The following GGT1 variants were observed in gnomAD, a reference collection of about 807,000 sequenced individuals.
GGT1 encodes gamma-glutamyltransferase 1.
In GGT1, 21 loss-of-function variants were observed where a neutral mutation model predicts 56.0. That is an observed-to-expected ratio of 0.38 (90% CI 0.27 to 0.54). GGT1 has a LOEUF of 0.54. Ranked by LOEUF, GGT1 falls within the 20% of genes least tolerant of loss-of-function variation. GGT1 has a pLI of 0.82. For missense variants in GGT1, 466 were observed against 787.0 expected (o/e 0.59, Z 4.88); for synonymous variants, 238 against 342.6 (o/e 0.69, Z 3.37).
chr22:24,584,617 G>A, the GGT1 span, among the ~76,000 whole-genome samples: 4 of 152,162 alleles, frequency 2.6e-5, no homozygotes, highest in Non-Finnish European at 5.9e-5. Context: ...GTGAGGGAAA[G>A]TCAGAGCTGG....
chr22:24,584,455 C>G, the GGT1 span, among the ~76,000 whole-genome samples: 1 of 152,066 alleles, frequency 6.6e-6, no homozygotes, highest in Non-Finnish European at 1.5e-5. Context: ...CCATCCCAGT[C>G]CTGGGACCCA....
At chr22:24,626,509 T>C (rs1228335413) in intron 11 of GGT1, among the ~76,000 whole-genome samples, 1 of 150,328 alleles carries the variant, frequency 6.7e-6, no homozygotes, top group Non-Finnish European at 1.5e-5. Context: ...TATTTATTTT[T>C]TTTAATACGT....
intron 7 of GGT1, among the ~76,000 whole-genome samples, chr22:24,616,554 C>CTTT (rs113675142): frequency 1.5e-5 from 2 of 131,994 alleles, no homozygotes; most frequent in African/African-American, 5.7e-5. Flanking sequence ...TTTTTTTTTT[C>CTTT]TTTTTTTTTT....
chr22:24,588,534 G>A, the GGT1 span: 4 of 751,096 alleles, frequency 5.3e-6, no homozygotes, highest in East Asian at 1.2e-4. Context: ...CCCTCTGGGA[G>A]CTGGACAGGC....
chr22:24,622,849 T>C (rs1323959268), intron 9 of GGT1, among the ~76,000 whole-genome samples: 1 of 152,182 alleles, frequency 6.6e-6, no homozygotes, highest in Non-Finnish European at 1.5e-5. Context: ...GCCCGGCTGT[T>C]GGGTGGTGAG....
the GGT1 span, chr22:24,586,432 G>C: frequency 1.9e-6 from 3 of 1,593,898 alleles, no homozygotes; most frequent in South Asian, 1.1e-5. Context: ...GTGGCAGGTG[G>C]GGATGGACTA....
chr22:24,592,809 A>G (rs896365116), upstream of GGT1: 114 of 1,235,606 alleles, frequency 9.2e-5, no homozygotes, highest in Non-Finnish European at 1.1e-4. Context: ...AGACCCCCAG[A>G]CCCCCAGACC....
intron 10 of GGT1, 122 bp downstream of exon 10, chr22:24,623,378 G>A (rs1367033546): frequency 8.1e-6 from 10 of 1,237,468 alleles, no homozygotes; most frequent in East Asian, 2.5e-5. Flanking sequence ...CTGAGCTCCC[G>A]AGGTGTGTCC....
intron 1 of GGT1, among the ~76,000 whole-genome samples, chr22:24,604,723 G>C (rs2045925330): frequency 6.6e-6 from 1 of 151,840 alleles, no homozygotes; most frequent in Non-Finnish European, 1.5e-5. Context: ...CTGCATTCAG[G>C]GGGTAGAGGG....
At chr22:24,616,354 C>T (rs895832203) in intron 7 of GGT1, among the ~76,000 whole-genome samples, 8 of 150,326 alleles carry the variant, frequency 5.3e-5, no homozygotes, top group Non-Finnish European at 1.0e-4. Context: ...GAGGAGATTG[C>T]AGTGAGCCGA....
chr22:24,621,087 A>G lies in GGT1; in HGVS notation c.733+17A>G. The G allele has an allele frequency of 1.3e-6, 2 of 1,560,300 alleles. No homozygotes were observed. Among genetic ancestry groups the G allele is most frequent in the Non-Finnish European group, 1.7e-6 (2 of 1,152,012 alleles). Reference sequence around the variant, plus strand: ...AGGCGGCCGGTGAGTGGGTAACCTCAGGGGCCTGGGTGAGGAACTCTGCAG... The same window carrying G: ...AGGCGGCCGGTGAGTGGGTAACCTCGGGGGCCTGGGTGAGGAACTCTGCAG... On this transcript the variant is annotated intron_variant, in intron 9 of 15. Transcript: ENST00000400382.
intron 5 of GGT1, among the ~76,000 whole-genome samples, chr22:24,614,348 C>CCAA (rs2046904004): frequency 9.3e-5 from 1 of 10,718 alleles, no homozygotes; most frequent in Non-Finnish European, 2.4e-4. Context: ...GACTTTGTCT[C>CCAA]AAAAAAAAAA....
At chr22:24,611,514 C>CCTATCTATCTAT (rs201643332) in intron 5 of GGT1, among the ~76,000 whole-genome samples, 26 of 136,772 alleles carry the variant, frequency 1.9e-4, no homozygotes, top group South Asian at 7.0e-4. Flanking sequence ...CTTATTTCTT[C>CCTATCTATCTAT]CTATCTATCT....
rs1286788943 is a variant in GGT1 at position 24,605,023 on chromosome 22, C to CAT, written c.-429+1508_-429+1509dup. 4.6e-5 allele frequency among the ~76,000 whole-genome samples: 3 copies of CAT among 65,002 alleles called. 1 individual carries two copies. Among genetic ancestry groups the CAT allele is most frequent in the Non-Finnish European group, 7.2e-5 (3 of 41,384 alleles). The allele number at this position is 65,002 out of a possible 152,430, so 42.6% of individuals were successfully genotyped here. ...ACCTGCTGCTGTGAATCCTGTATGT[C>CAT]ATATATATATATAAAATATGTAATA... On this transcript the variant is annotated intron_variant, in intron 1 of 15. Coordinates refer to ENST00000400382, the MANE Select transcript of GGT1 (RefSeq NM_001288833.2).
chr22:24,585,985 C>T, the GGT1 span: 1 of 1,610,640 alleles, frequency 6.2e-7, no homozygotes, highest in Middle Eastern at 1.7e-4. Context: ...TGCCCTCAGG[C>T]TCAAGGTCCA....
chr22:24,592,009 C>T (rs78105003), upstream of GGT1, among the ~76,000 whole-genome samples: 685 of 152,354 alleles, frequency 4.5e-3, 6 homozygotes, highest in African/African-American at 0.016. Flanking sequence ...GACCACTTCG[C>T]TCCATGCCTC....
chr22:24,624,115 G>A (rs2147496551), intron 11 of GGT1, 199 bp downstream of exon 11: 2 of 985,446 alleles, frequency 2.0e-6, no homozygotes, highest in African/African-American at 1.7e-5. Context: ...AACTGACAGT[G>A]TGGGGAATTA....
chr22:24,594,905 C>G (rs2045667652), intron 1 of GGT1: 1 of 152,404 alleles, frequency 6.6e-6, no homozygotes, highest in East Asian at 1.9e-4. Flanking sequence ...TCCTCCTCTT[C>G]CCCTGCAGCC....
Position 24,613,763 on chromosome 22 carries a change from G to GA in GGT1, c.165-1010dup, listed in dbSNP as rs59475153. 4.9e-3 allele frequency among the ~76,000 whole-genome samples: 684 copies of GA among 140,694 alleles called. 8 individuals carry two copies. Among genetic ancestry groups the GA allele is most frequent in the African/African-American group, 0.019 (639 of 33,354 alleles). 92.3% of individuals were successfully genotyped at this position (140,694 alleles called of 152,430 possible). A position where few individuals can be genotyped will look rare whatever the true frequency, so the allele number is the denominator to read the frequency against. On this transcript the variant is annotated intron_variant, in intron 5 of 15. Transcript: ENST00000400382. ...AAACTCCCTCTCAGAAAAAAAAAAA[G>GA]AAAGAAAAGAAAAGAAAAAGAGGAA...
Sources: gnomAD v4.1 joint callset for allele counts (sites outside exome capture counted in the v4.1 genomes callset) on GRCh38, gnomAD v4.1.1 for gene constraint, MANE v1.5 for transcripts, NCBI Gene and HGNC (gene_info 2026-07-23, HGNC 2026-07-21) for gene names.